Variants in B3GAT1 observed in about 807,000 individuals in gnomAD.
B3GAT1 encodes galactosylgalactosylxylosylprotein 3-beta-glucuronosyltransferase 1.
B3GAT1 carries 11 observed loss-of-function variants against 28.4 expected under a neutral mutation model. The ratio of observed to expected loss-of-function variants is 0.39; its 90% confidence interval spans 0.24 to 0.64. B3GAT1 has a LOEUF of 0.64. Ranked by LOEUF, B3GAT1 falls within the 30% of genes least tolerant of loss-of-function variation. B3GAT1 has a pLI of 0.50. For missense variants in B3GAT1, 375 were observed against 491.0 expected (o/e 0.76, Z 2.23); for synonymous variants, 255 against 223.1 (o/e 1.14, Z -1.27).
chr11:134,407,413 T>TA (rs1349252066), intron 1 of B3GAT1, among the ~76,000 whole-genome samples: 1 of 152,242 alleles, frequency 6.6e-6, no homozygotes, highest in Non-Finnish European at 1.5e-5. Flanking sequence ...CCCATCCCTC[T>TA]AGGTCTTCTT....
Position 134,383,830 on chromosome 11 carries a change from G to A in B3GAT1, c.471C>T (p.Asp157=), listed in dbSNP as rs761344039. Residue 157 remains aspartate, a synonymous_variant, in exon 3 of 6, where the codon GAC becomes GAT. Transcript: ENST00000312527. The part of the protein sequence containing the change: ...ETPRNYKLRG[D]ARDPRIPRGT... ...CCCGCGGGATGCGTGGGTCGCGGGC[G>A]TCTCCGCGCAGCTTGTAGTTGCGGG... The A allele has an allele frequency of 2.5e-6, 4 of 1,594,812 alleles. No homozygotes were observed. The highest frequency in any genetic ancestry group is 2.3e-5 in the East Asian group (1 of 43,852).
intron 1 of B3GAT1, among the ~76,000 whole-genome samples, chr11:134,409,281 T>G (rs927068429): frequency 3.9e-5 from 6 of 152,128 alleles, no homozygotes; most frequent in Admixed American, 6.5e-5. Flanking sequence ...CTGGCTAGTC[T>G]TCAGTAGGGT....
chr11:134,407,442 G>A (rs1431435204), intron 1 of B3GAT1, among the ~76,000 whole-genome samples: 2 of 152,238 alleles, frequency 1.3e-5, no homozygotes, highest in African/African-American at 2.4e-5. Context: ...CAGAGAGCTG[G>A]CTCACATTTC....
chr11:134,397,521 C>T (rs1487758537), intron 1 of B3GAT1, among the ~76,000 whole-genome samples: 2 of 152,210 alleles, frequency 1.3e-5, no homozygotes, highest in East Asian at 1.9e-4. Context: ...GCCCCATTCC[C>T]ACCCAGAGCC....
chr11:134,386,086 G>A (rs912120647), intron 2 of B3GAT1: 5 of 152,246 alleles, frequency 3.3e-5, no homozygotes, highest in South Asian at 2.1e-4. Context: ...CCCTAGGGTC[G>A]GGAGGAGAGG....
At chr11:134,390,132 G>C (rs11825461) in intron 1 of B3GAT1, 18,296 of 152,260 alleles carry the variant, frequency 0.12, 1,978 homozygotes, top group African/African-American at 0.29. Flanking sequence ...GTGTCCGCCC[G>C]TAAACTCCTC....
At chr11:134,403,300 G>C (rs1414858338) in intron 1 of B3GAT1, among the ~76,000 whole-genome samples, 1 of 152,200 alleles carries the variant, frequency 6.6e-6, no homozygotes, top group Non-Finnish European at 1.5e-5. Flanking sequence ...GCAGGGATGA[G>C]AGCAGGAGGC....
intron 5 of B3GAT1, 177 bp downstream of exon 5, chr11:134,381,747 G>A: frequency 1.7e-6 from 1 of 594,494 alleles, no homozygotes; most frequent in Admixed American, 2.7e-5. Flanking sequence ...GTTAATGCCT[G>A]GATACTTTCA....
chr11:134,396,746 C>A (rs541316159), intron 1 of B3GAT1, among the ~76,000 whole-genome samples: 1 of 152,314 alleles, frequency 6.6e-6, no homozygotes, highest in African/African-American at 2.4e-5. Flanking sequence ...TGGCTTCCTG[C>A]TGCCTCCTTC....
intron 1 of B3GAT1, among the ~76,000 whole-genome samples, chr11:134,394,052 C>A (rs922645307): frequency 6.6e-6 from 1 of 152,166 alleles, no homozygotes; most frequent in African/African-American, 2.4e-5. Context: ...CTGCCCCCAG[C>A]ACCACCGCCT....
intron 2 of B3GAT1, chr11:134,386,785 GTA>G (rs1266257881): frequency 1.3e-5 from 2 of 152,174 alleles, no homozygotes; most frequent in African/African-American, 4.8e-5. Context: ...GTCTTTCTGT[GTA>G]TGTGTGTGTA....
chr11:134,401,060 C>T (rs191646592), intron 1 of B3GAT1, among the ~76,000 whole-genome samples: 9 of 152,266 alleles, frequency 5.9e-5, no homozygotes, highest in South Asian at 4.2e-4. Flanking sequence ...CACACCAGTC[C>T]GAATGGCTAT....
rs148770380 is a variant in B3GAT1, at chr11:134,384,512, C to T, written c.113-324G>A. On this transcript the variant is annotated intron_variant, in intron 2 of 5. Coordinates refer to ENST00000312527, the MANE Select transcript of B3GAT1 (RefSeq NM_054025.3). ...ATGTGCTGACTTTCCTATGAAAAGG[C>T]GTCCCGACCCTCCCCTCCCTAGCCC... The T allele has an allele frequency of 1.1e-3, 399 of 377,490 alleles. 11 individuals carry two copies. In the East Asian group the frequency reaches 0.017, roughly 16 times the overall value. 23.4% of individuals were successfully genotyped at this position (377,490 alleles called of 1,614,324 possible). A position where few individuals can be genotyped will look rare whatever the true frequency, so the allele number is the denominator to read the frequency against.
rs1944126147 is a variant in B3GAT1, at chr11:134,381,690, C to A, written c.*14+234G>T. ...TCAGCAAGATGTTTGGAAGGTGACA[C>A]CCTCTGAAGAGTCTGGTGGCAGAAG... On this transcript the variant is annotated intron_variant, in intron 5 of 5. Coordinates refer to ENST00000312527, the MANE Select transcript of B3GAT1 (RefSeq NM_054025.3). 2.9e-5 allele frequency: 15 copies of A among 510,136 alleles called. No individual in the cohort carries two copies. The South Asian group carries it at 3.7e-4, about 13-fold the overall frequency. The allele number at this position is 510,136 out of a possible 1,614,324, so 31.6% of individuals were successfully genotyped here.
intron 1 of B3GAT1, among the ~76,000 whole-genome samples, chr11:134,406,926 CTG>C (rs1341483860): frequency 6.9e-6 from 1 of 145,606 alleles, no homozygotes. Context: ...CCCAAAACAC[CTG>C]TGCAGGCTCA....
intron 5 of B3GAT1, 87 bp downstream of exon 5, chr11:134,381,836 GC>G: frequency 9.1e-7 from 1 of 1,098,786 alleles, no homozygotes. Flanking sequence ...CACAGTGAAA[GC>G]CCAAGAGGAA....
intron 3 of B3GAT1, 124 bp downstream of exon 3, chr11:134,383,556 C>T (rs1955896957): frequency 1.5e-6 from 2 of 1,303,674 alleles, no homozygotes; most frequent in Non-Finnish European, 2.0e-6. Flanking sequence ...CTGCCTGCCC[C>T]GCTCCCAGCC....
At chr11:134,383,120 C>T (rs1023417043) in intron 3 of B3GAT1, 114 bp from the exon 4 acceptor site, 13 of 1,226,610 alleles carry the variant, frequency 1.1e-5, no homozygotes, top group South Asian at 4.6e-5. Flanking sequence ...TGGCCAGCCG[C>T]GGCCACCTAG....
rs773707460 is a variant in B3GAT1, at chr11:134,383,019, G to A, written c.622-13C>T. ...TGGTGCTGCGCATCTACAAGGGGGG[G>A]GTCCAGAGTCAGGGCGCCGGCACTG... On this transcript the variant is annotated splice_polypyrimidine_tract_variant and intron_variant, in intron 3 of 5. Transcript: ENST00000312527. 15 of 1,535,252 alleles carry A rather than the reference G, an allele frequency of 9.8e-6. No individual in the cohort carries two copies. The highest frequency in any genetic ancestry group is 9.6e-5 in the East Asian group (4 of 41,622).
Sources: gnomAD v4.1 joint callset for allele counts (sites outside exome capture counted in the v4.1 genomes callset) on GRCh38, gnomAD v4.1.1 for gene constraint, MANE v1.5 for transcripts, NCBI Gene and HGNC (gene_info 2026-07-23, HGNC 2026-07-21) for gene names.